Variants in FAM184A observed in about 807,000 individuals in gnomAD.
The protein encoded by FAM184A is family with sequence similarity 184 member A, also known as protein FAM184A.
FAM184A carries 99 observed loss-of-function variants against 143.8 expected under a neutral mutation model. That is an observed-to-expected ratio of 0.69 (90% CI 0.58 to 0.81). The LOEUF (loss-of-function observed/expected upper bound fraction) is 0.81. FAM184A is among the 40% of genes least tolerant of loss of function. The pLI, the probability that FAM184A is intolerant of heterozygous loss-of-function variation, is 0.00. For missense variants in FAM184A, 1,217 were observed against 1,310.5 expected (o/e 0.93, Z 1.10); for synonymous variants, 427 against 446.4 (o/e 0.96, Z 0.55).
rs781364004 is a variant in FAM184A, at chr6:118,960,008, C to T, written c.*95G>A. The T allele has an allele frequency of 6.9e-5, 60 of 864,610 alleles. No homozygotes were observed. Among genetic ancestry groups the T allele is most frequent in the Non-Finnish European group, 9.8e-5 (55 of 563,684 alleles). The allele number at this position is 864,610 out of a possible 1,614,324, so 53.6% of individuals were successfully genotyped here. On this transcript the variant is annotated 3_prime_UTR_variant, in exon 18 of 18. Transcript: ENST00000338891. ...GGAGAGACAAATACTTTCTCATTCA[C>T]AGTGTTTGACATAGGAAAGCCTATT...
chr6:119,010,543 T>C (rs999088376), intron 6 of FAM184A, among the ~76,000 whole-genome samples: 17 of 152,210 alleles, frequency 1.1e-4, no homozygotes, highest in African/African-American at 4.1e-4. Context: ...ATTTTTCTTA[T>C]TGTTTTGTAA....
In FAM184A at chr6:119,097,903, A is replaced by G. The variant is rs1788548523; in HGVS notation, c.-202+51175T>C. Among the ~76,000 whole-genome samples, 5 of 152,142 alleles carry G rather than the reference A, an allele frequency of 3.3e-5. No homozygotes were observed. In the South Asian group the frequency reaches 1.0e-3, roughly 32 times the overall value. On this transcript the variant is annotated intron_variant, in intron 1 of 16. Transcript: ENST00000352896. ...CTGGCCATAAAGAAATTATCTGACT[A>G]CATTGTCTGATTGTAGGTCATAATG...
At position 119,047,065 on chromosome 6, in the gene FAM184A, A is replaced by G. The variant is rs143112444; in HGVS notation, c.160-22252T>C. Reference sequence around the variant, plus strand: ...CTAATAATCTGATAAAAAAATGGGCATAAGATTTAAATAGACATTTCTCAA... The same window carrying G: ...CTAATAATCTGATAAAAAAATGGGCGTAAGATTTAAATAGACATTTCTCAA... On this transcript the variant is annotated intron_variant, in intron 1 of 17. Coordinates refer to ENST00000338891, the MANE Select transcript of FAM184A (RefSeq NM_024581.6). 4.2e-3 allele frequency among the ~76,000 whole-genome samples: 637 copies of G among 152,274 alleles called. 2 individuals carry two copies. Among genetic ancestry groups the G allele is most frequent in the Non-Finnish European group, 7.6e-3 (519 of 68,018 alleles).
intron 1 of FAM184A, among the ~76,000 whole-genome samples, chr6:119,089,172 A>C (rs1381301262): frequency 2.9e-5 from 4 of 137,364 alleles, no homozygotes; most frequent in Admixed American, 2.1e-4. Context: ...TTTTTTTTTT[A>C]ATTATCTCTC....
intron 7 of FAM184A, chr6:119,005,310 T>G (rs1289264220): frequency 6.6e-6 from 1 of 152,040 alleles, no homozygotes; most frequent in African/African-American, 2.4e-5. Context: ...ATGAAGTAAT[T>G]TATTGTCACA....
At chr6:119,082,127 C>T (rs1788088461), upstream of FAM184A, among the ~76,000 whole-genome samples, 1 of 152,186 alleles carries the variant, frequency 6.6e-6, no homozygotes, top group African/African-American at 2.4e-5. Context: ...GGGTGTAGCC[C>T]TAGCCAAGGA....
At position 119,064,421 on chromosome 6, in the gene FAM184A, C is replaced by T. The variant is rs144536361; in HGVS notation, c.159+13720G>A. 4.5e-3 allele frequency among the ~76,000 whole-genome samples: 679 copies of T among 152,284 alleles called. 6 individuals are homozygous for T. The highest frequency in any genetic ancestry group is 0.015 in the African/African-American group (640 of 41,558). ...AAACTGCAAAGCATTCAAACTGAGGCTGGGCATGGTGGCTTATACCTGTAA... is the reference window on the plus strand; with the variant it reads ...AAACTGCAAAGCATTCAAACTGAGGTTGGGCATGGTGGCTTATACCTGTAA... On this transcript the variant is annotated intron_variant, in intron 1 of 17. Coordinates refer to ENST00000338891, the MANE Select transcript of FAM184A (RefSeq NM_024581.6).
chr6:119,077,994 G>T (rs1437405268), intron 1 of FAM184A, 147 bp downstream of exon 1: 5 of 937,526 alleles, frequency 5.3e-6, no homozygotes, highest in African/African-American at 3.4e-5. Context: ...AGTTTGCAGG[G>T]TTTTGGAGGT....
In FAM184A at chr6:119,024,799, T is replaced by C. The variant is rs1785572456; in HGVS notation, c.174A>G (p.Leu58=). 6.2e-7 allele frequency: 1 copy of C among 1,604,454 alleles called. No individual in the cohort carries two copies. Residue 58 remains leucine (L), a synonymous_variant, in exon 2 of 18, where the codon TTA becomes TTG. Transcript: ENST00000338891. Reference sequence around the variant, plus strand: ...ATTCATGCTCATCATTTTTAGTGTTTAAAGCATATATTACCTGCATGGTTT... The same window carrying C: ...ATTCATGCTCATCATTTTTAGTGTTCAAAGCATATATTACCTGCATGGTTT... ...IAQLTKVIYA[L]NTKNDEHESA... is the part of the protein sequence containing the mutation.
In FAM184A at chr6:119,084,011, C is replaced by A. The variant is rs531051210; in HGVS notation, c.-201-59198G>T. On this transcript the variant is annotated intron_variant, in intron 1 of 16. Transcript: ENST00000352896. ...CTCACAGTTCCACATTCTGGGGAGA[C>A]CTCAGGAAACTTACAATCATGGTGG... Among the ~76,000 whole-genome samples, 21 of 152,048 alleles carry A rather than the reference C, an allele frequency of 1.4e-4. No homozygotes were observed. In the South Asian group the frequency reaches 1.7e-3, roughly 12 times the overall value.
At chr6:119,036,451 C>G (rs1786117285) in intron 1 of FAM184A, among the ~76,000 whole-genome samples, 1 of 151,998 alleles carries the variant, frequency 6.6e-6, no homozygotes. Flanking sequence ...TATTTCCTCG[C>G]TGTATGATTC....
chr6:119,139,615 T>G (rs1334925858), intron 1 of FAM184A, among the ~76,000 whole-genome samples: 1 of 151,264 alleles, frequency 6.6e-6, no homozygotes, highest in African/African-American at 2.4e-5. Context: ...TCTTAAAGTA[T>G]TATACGTTCT....
Position 119,078,339 on chromosome 6 carries a change from G to A in FAM184A, c.-40C>T, listed in dbSNP as rs1375723905. On this transcript the variant is annotated 5_prime_UTR_variant, in exon 1 of 18. Transcript: ENST00000338891. The surrounding 1 kb of genome is among the most constrained non-coding windows in gnomAD (Gnocchi z 5.5). ...CCAGCCGGGGCACCTGTCCCCGCGG[G>A]TGGAGGCAGGCCCGTGGAGCAACGA... 1 of 1,419,172 alleles carries A rather than the reference G, an allele frequency of 7.0e-7. No individual in the cohort carries two copies. Among genetic ancestry groups the A allele is most frequent in the South Asian group, 1.5e-5 (1 of 67,874 alleles). The allele number at this position is 1,419,172 out of a possible 1,614,324, so 87.9% of individuals were successfully genotyped here. A position where few individuals can be genotyped will look rare whatever the true frequency, so the allele number is the denominator to read the frequency against.
Position 118,974,479 on chromosome 6 carries a change from A to C in FAM184A, c.2864T>G (p.Phe955Cys). The change falls in exon 14 of 18, where the codon TTT becomes TGT. Residue 955 changes from phenylalanine (F) to cysteine (C), a missense_variant. Physicochemically the swap from Phe to Cys is radical, Grantham distance 205 (BLOSUM62 -2). Coordinates refer to ENST00000338891, the MANE Select transcript of FAM184A (RefSeq NM_024581.6). The stretch of plus-strand genomic sequence containing the variant: ...CTTGAGTAGCTCGTTAGTCTTATTA[A>C]AATCTGCCCGCATGATATTTTTCTC... ...LREKNIMRAD[F>C]NKTNELLKEI... 1.9e-6 allele frequency: 3 copies of C among 1,612,904 alleles called. No homozygotes were observed. Among genetic ancestry groups the C allele is most frequent in the Non-Finnish European group, 2.5e-6 (3 of 1,179,328 alleles).
intron 1 of FAM184A, among the ~76,000 whole-genome samples, chr6:119,134,277 G>A (rs1167085558): frequency 6.6e-6 from 1 of 152,120 alleles, no homozygotes; most frequent in Non-Finnish European, 1.5e-5. Flanking sequence ...TTAGGAAAAT[G>A]TCAACCTCAT....
Position 118,988,265 on chromosome 6 carries a change from C to T in FAM184A, c.2089-7915G>A, listed in dbSNP as rs2114603283. Among the ~76,000 whole-genome samples the T allele has an allele frequency of 1.3e-5, 2 of 152,224 alleles. 1 individual carries two copies. Among genetic ancestry groups the T allele is most frequent in the South Asian group, 4.1e-4 (2 of 4,830 alleles). The stretch of plus-strand genomic sequence containing the variant: ...ACAAGTTGAAAACAGTTCTAAGAAA[C>T]AAACTAAACAAAAAGAAATTAAAGA... On this transcript the variant is annotated intron_variant, in intron 9 of 17. Coordinates refer to ENST00000338891, the MANE Select transcript of FAM184A (RefSeq NM_024581.6).
chr6:119,145,929 G>A (rs909876166), intron 1 of FAM184A, among the ~76,000 whole-genome samples: 1 of 152,198 alleles, frequency 6.6e-6, no homozygotes, highest in Non-Finnish European at 1.5e-5. Flanking sequence ...ATTTGCACAT[G>A]ATTTTACAGC....
At chr6:118,984,965 C>T (rs1784148212) in intron 9 of FAM184A, among the ~76,000 whole-genome samples, 1 of 152,166 alleles carries the variant, frequency 6.6e-6, no homozygotes, top group South Asian at 2.1e-4. Context: ...AATACAGGAA[C>T]ATATAAATAA....
chr6:118,969,981 G>GTA lies in FAM184A; in HGVS notation c.2916-3031_2916-3030dup, dbSNP rs1438615155. ...CACAAGAAAAAAAAATTGTTTGGGT[G>GTA]TATATATATATAATATATATATATA... On this transcript the variant is annotated intron_variant, in intron 14 of 17. Transcript: ENST00000338891. Among the ~76,000 whole-genome samples, 25 of 25,350 alleles carry GTA rather than the reference G, an allele frequency of 9.9e-4. 2 individuals are homozygous for GTA. Among genetic ancestry groups the GTA allele is most frequent in the Middle Eastern group, 0.042 (2 of 48 alleles). The allele number at this position is 25,350 out of a possible 152,430, so 16.6% of individuals were successfully genotyped here.
Sources: gnomAD v4.1 joint callset for allele counts (sites outside exome capture counted in the v4.1 genomes callset) on GRCh38, gnomAD v4.1.1 for gene constraint, Gnocchi (gnomAD v3.1) non-coding constraint, MANE v1.5 for transcripts, NCBI Gene and HGNC (gene_info 2026-07-23, HGNC 2026-07-21) for gene names.